Variants in EPRS1 observed in about 807,000 individuals in gnomAD.
The protein encoded by EPRS1 is glutamyl-prolyl-tRNA synthetase 1.
Under a neutral mutation model 188.3 loss-of-function variants are expected in EPRS1, and 107 were observed. That is an observed-to-expected ratio of 0.57 (90% CI 0.49 to 0.67). EPRS1 has a LOEUF of 0.67. EPRS1 is among the 30% of genes least tolerant of loss of function. The probability of loss-of-function intolerance (pLI) is 0.00; values close to 1 mark genes in which losing one functional copy is unlikely to be tolerated. For missense variants in EPRS1, 1,577 were observed against 1,802.2 expected (o/e 0.88, Z 2.26); for synonymous variants, 596 against 593.1 (o/e 1.00, Z -0.07).
Position 219,978,698 on chromosome 1 carries a change from T to C in EPRS1, c.3931A>G (p.Ile1311Val). 1 of 1,611,106 alleles carries C rather than the reference T, an allele frequency of 6.2e-7. No homozygotes were observed. Among genetic ancestry groups the C allele is most frequent in the East Asian group, 2.2e-5 (1 of 44,716 alleles). ...CVQVVIIPCGITNALSEEDKE... is the reference protein window; with the variant it reads ...CVQVVIIPCGVTNALSEEDKE... ...TCTTCTTCAGAAAGTGCATTGGTAA[T>C]GCCACAAGGAATAATCACCACCTAG... Residue 1311 changes from isoleucine (I) to valine (V), a missense_variant, in exon 28 of 32, where the codon ATT becomes GTT. This residue lies in a region of EPRS1 where 296 missense variants were observed against 327.9 expected (regional missense o/e 0.90). Transcript: ENST00000366923.
At chr1:220,025,795 G>GTT (rs780936118) in intron 6 of EPRS1, among the ~76,000 whole-genome samples, 10 of 141,596 alleles carry the variant, frequency 7.1e-5, no homozygotes, top group African/African-American at 2.1e-4. Flanking sequence ...CAAAATAAAA[G>GTT]TTTTTTTTTT....
chr1:219,976,796 A>C (rs576169932), intron 28 of EPRS1, among the ~76,000 whole-genome samples: 16 of 152,340 alleles, frequency 1.1e-4, no homozygotes, highest in African/African-American at 3.4e-4. Flanking sequence ...AAGCCAAATC[A>C]TGGAGGAGGC....
intron 18 of EPRS1, among the ~76,000 whole-genome samples, chr1:219,995,163 A>C (rs1356917461): frequency 2.0e-5 from 3 of 152,188 alleles, no homozygotes; most frequent in Non-Finnish European, 4.4e-5. Flanking sequence ...TACCTAATAA[A>C]AGTACCTGCC....
intron 23 of EPRS1, 36 bp from the exon 24 acceptor site, chr1:219,981,493 G>C: frequency 7.1e-7 from 1 of 1,403,854 alleles, no homozygotes; most frequent in East Asian, 2.3e-5. Context: ...AGTCATTTAA[G>C]GCTTTATTTC....
At position 219,997,162 on chromosome 1, in the gene EPRS1, T is replaced by C. The variant is rs772507229; in HGVS notation, c.2362A>G (p.Lys788Glu). ...CCAGTTTTCTCCTTATATTCAGCTT[T>C]CAAAGACAAAAGCTGTTTTACAGCT... ...DAAVKQLLSL[K>E]AEYKEKTGQE... Residue 788 changes from lysine to glutamate, a missense_variant, in exon 18 of 32, where the codon AAA becomes GAA. Lys to Glu is a moderately conservative substitution (Grantham distance 56, BLOSUM62 1). Coordinates refer to ENST00000366923, the MANE Select transcript of EPRS1 (RefSeq NM_004446.3). 2.5e-6 allele frequency: 4 copies of C among 1,614,130 alleles called. No homozygotes were observed. In the South Asian group the frequency reaches 4.4e-5, roughly 18 times the overall value.
At chr1:220,033,104 C>T (rs1403617212) in intron 4 of EPRS1, among the ~76,000 whole-genome samples, 1 of 152,146 alleles carries the variant, frequency 6.6e-6, no homozygotes, top group African/African-American at 2.4e-5. Context: ...CATCCCACTA[C>T]TCCCTAACCT....
rs775916428 is a variant in EPRS1 at position 220,011,073 on chromosome 1, C to G, written c.1495-17G>C. The G allele has an allele frequency of 7.0e-7, 1 of 1,422,200 alleles. No homozygotes were observed. The highest frequency in any genetic ancestry group is 1.4e-5 in the African/African-American group (1 of 71,196). The allele number at this position is 1,422,200 out of a possible 1,614,324, so 88.1% of individuals were successfully genotyped here. A position where few individuals can be genotyped will look rare whatever the true frequency, so the allele number is the denominator to read the frequency against. On this transcript the variant is annotated splice_polypyrimidine_tract_variant and intron_variant, in intron 12 of 31. Transcript: ENST00000366923. ...GTCAATAACCTGCAACAAATACATCCTCATGTTAAAACACTGCGATATCTT... is the reference window on the plus strand; with the variant it reads ...GTCAATAACCTGCAACAAATACATCGTCATGTTAAAACACTGCGATATCTT...
intron 12 of EPRS1, among the ~76,000 whole-genome samples, chr1:220,016,342 A>T (rs1661710436): frequency 6.7e-6 from 1 of 149,628 alleles, no homozygotes; most frequent in Non-Finnish European, 1.5e-5. Flanking sequence ...AGATTCCGCT[A>T]CAAAAAGAAA....
chr1:220,034,217 G>C (rs1662135576), intron 3 of EPRS1, among the ~76,000 whole-genome samples: 1 of 152,142 alleles, frequency 6.6e-6, no homozygotes, highest in South Asian at 2.1e-4. Flanking sequence ...TTTTATCTAT[G>C]TTGTCTATGT....
intron 4 of EPRS1, among the ~76,000 whole-genome samples, chr1:220,033,060 GAAGTGACCTCC>G (rs1292545789): frequency 6.6e-6 from 1 of 151,994 alleles, no homozygotes; most frequent in East Asian, 1.9e-4. Context: ...GTAGAAGAAG[GAAGTGACCTCC>G]AAGAAAAACC....
intron 30 of EPRS1, among the ~76,000 whole-genome samples, chr1:219,970,317 A>T (rs562967754): frequency 3.3e-4 from 50 of 152,332 alleles, no homozygotes; most frequent in African/African-American, 1.2e-3. Flanking sequence ...AAATCTAGAG[A>T]TCTATGAAGG....
Position 220,034,861 on chromosome 1 carries a change from A to G in EPRS1, c.231+53T>C, listed in dbSNP as rs1662147942. ...CAACAATAAATGATGAGGTTCCCAT[A>G]AAAAAACAGAAGCATAAGACAAAAC... On this transcript the variant is annotated intron_variant, in intron 3 of 31. Transcript: ENST00000366923. 5.0e-6 allele frequency: 5 copies of G among 1,002,386 alleles called. No individual in the cohort carries two copies. The Admixed American group carries it at 8.5e-5, about 17-fold the overall frequency. The allele number at this position is 1,002,386 out of a possible 1,614,324, so 62.1% of individuals were successfully genotyped here.
At chr1:220,026,187 G>T (rs555280910) in intron 6 of EPRS1, among the ~76,000 whole-genome samples, 1 of 152,256 alleles carries the variant, frequency 6.6e-6, no homozygotes, top group African/African-American at 2.4e-5. Flanking sequence ...ATGTCACGGA[G>T]ATTAAAAATA....
chr1:220,040,780 G>A (rs984662441), intron 1 of EPRS1, among the ~76,000 whole-genome samples: 2 of 151,756 alleles, frequency 1.3e-5, no homozygotes, highest in Non-Finnish European at 2.9e-5. Flanking sequence ...AACCTGGGAG[G>A]TGGAGGTTGT....
rs1025709726 is a variant in EPRS1, at chr1:220,022,434, T to C, written c.1028A>G (p.Asp343Gly). 1 of 1,614,054 alleles carries C rather than the reference T, an allele frequency of 6.2e-7. No homozygotes were observed. The highest frequency in any genetic ancestry group is 8.5e-7 in the Non-Finnish European group (1 of 1,179,998). ...CATGCATCCATTGTTACTACTCATG[T>C]CAATTTTTGCTCGCAAACAACAGGA... Reference protein sequence around the residue: ...GQSCCLRAKIDMSSNNGCMRD... With the variant: ...GQSCCLRAKIGMSSNNGCMRD... The change falls in exon 9 of 32, where the codon GAC (aspartate) becomes GGC (glycine). Residue 343 changes from aspartate to glycine, a missense_variant. Around this residue, in one of 3 missense-constraint regions of EPRS1, gnomAD observed 1,278 missense variants for 1,457.4 expected, o/e 0.88. Coordinates refer to ENST00000366923, the MANE Select transcript of EPRS1 (RefSeq NM_004446.3).
rs1286627479 is a variant in EPRS1, at chr1:219,973,209, G to C, written c.4244+29C>G. The C allele has an allele frequency of 3.8e-6, 6 of 1,597,296 alleles. No individual in the cohort carries two copies. The Admixed American group carries it at 8.4e-5, about 22-fold the overall frequency. ...TCAAAGGTGGTGGAAGATCTGGAGA[G>C]AGAGACATAAGCAATTTTAAGAAAC... On this transcript the variant is annotated intron_variant, in intron 29 of 31. Coordinates refer to ENST00000366923, the MANE Select transcript of EPRS1 (RefSeq NM_004446.3).
rs748045315 is a variant in EPRS1, at chr1:220,001,207, A to G, written c.2112T>C (p.Asp704=). 1.1e-5 allele frequency: 17 copies of G among 1,613,824 alleles called. No homozygotes were observed. The highest frequency in any genetic ancestry group is 4.0e-5 in the African/African-American group (3 of 74,902). ...EAPCVLIYIP[D]GHTKEMPTSG... ...ATGTTGGCATTTCCTTTGTGTGCCC[A>G]TCAGGAATGTATATCAAAACACACG... Residue 704 remains aspartate (D), a synonymous_variant, in exon 17 of 32, where the codon GAT becomes GAC. Transcript: ENST00000366923.
chr1:220,022,575 CAT>C (rs917046252), intron 8 of EPRS1, 57 bp from the exon 9 acceptor site: 17 of 1,325,220 alleles, frequency 1.3e-5, no homozygotes, highest in Admixed American at 8.4e-5. Context: ...AAATTATTCT[CAT>C]AGTGCTATAA....
chr1:220,046,406 T>C lies in EPRS1; in HGVS notation c.-18A>G, dbSNP rs1300169807. The C allele has an allele frequency of 6.2e-7, 1 of 1,613,898 alleles. No homozygotes were observed. Among genetic ancestry groups the C allele is most frequent in the African/African-American group, 1.3e-5 (1 of 75,036 alleles). On this transcript the variant is annotated 5_prime_UTR_variant, in exon 1 of 32. Transcript: ENST00000366923. ...GTCGCCATCTCCACCAGTCCGCTGG[T>C]CCACCTGTCAGTACGCCTGGCTCGT...
Sources: allele counts gnomAD v4.1 joint callset (sites outside exome capture counted in the v4.1 genomes callset), GRCh38; gene constraint gnomAD v4.1.1; regional missense constraint gnomAD v4.1.1; transcripts MANE v1.5; gene names NCBI Gene and HGNC (gene_info 2026-07-23, HGNC 2026-07-21).